Variants in RIC1 observed in about 807,000 individuals in gnomAD.
The protein encoded by RIC1 is guanine nucleotide exchange factor subunit RIC1.
RIC1 carries 88 observed loss-of-function variants against 169.0 expected under a neutral mutation model. That is an observed-to-expected ratio of 0.52 (90% CI 0.44 to 0.62). The LOEUF is 0.62. Among genes scored for constraint, RIC1 ranks in the 20% least tolerant of loss-of-function variants. The pLI is 0.00. For synonymous variants in RIC1, 790 were observed against 601.5 expected (o/e 1.31, Z -4.59); for missense variants, 1,877 against 1,725.5 (o/e 1.09, Z -1.56).
intron 1 of RIC1, among the ~76,000 whole-genome samples, chr9:5,637,231 T>G (rs987025265): frequency 1.3e-5 from 2 of 152,018 alleles, no homozygotes; most frequent in African/African-American, 4.8e-5. Flanking sequence ...GGCTAATTTT[T>G]TTTTTTCTGT....
Position 5,763,712 on chromosome 9 carries a change from C to G in RIC1, c.2685C>G (p.Pro895=), listed in dbSNP as rs754914347. The G allele has an allele frequency of 1.9e-6, 3 of 1,614,184 alleles. No individual in the cohort carries two copies. Among genetic ancestry groups the G allele is most frequent in the Non-Finnish European group, 2.5e-6 (3 of 1,180,038 alleles). ...TGGCAAAATTTATCACTGAGTTCCC[C>G]CTCTTCCTGCAGACAGTTGTCCATT... ...PTVAKFITEF[P]LFLQTVVHCA... Residue 895 remains proline (P), a synonymous_variant, in exon 19 of 26, where the codon CCC becomes CCG. Transcript: ENST00000414202. The surrounding 1 kb of genome is among the most constrained non-coding windows in gnomAD (Gnocchi z 5.2).
At position 5,743,800 on chromosome 9, in the gene RIC1, T is replaced by C. The variant is rs73389503; in HGVS notation, c.1095+63T>C. On this transcript the variant is annotated intron_variant, in intron 10 of 25. Coordinates refer to ENST00000414202, the MANE Select transcript of RIC1 (RefSeq NM_020829.4). ...AAAACTTGGATTTTTCTTCCCTTTT[T>C]TCACTCATTTTTATTTATTTAATTT... 6.9e-4 allele frequency: 825 copies of C among 1,201,702 alleles called. 7 individuals carry two copies. The African/African-American group carries it at 0.011, about 17-fold the overall frequency. The allele number at this position is 1,201,702 out of a possible 1,614,324, so 74.4% of individuals were successfully genotyped here.
downstream of RIC1, among the ~76,000 whole-genome samples, chr9:5,777,893 C>T (rs756117788): frequency 4.6e-5 from 7 of 152,232 alleles, no homozygotes; most frequent in South Asian, 2.1e-4. Flanking sequence ...ATTTTGAAAG[C>T]GAGAGTCCTA....
intron 2 of RIC1, among the ~76,000 whole-genome samples, chr9:5,689,439 T>G (rs1272148417): frequency 6.6e-6 from 1 of 152,172 alleles, no homozygotes; most frequent in Non-Finnish European, 1.5e-5. Flanking sequence ...TTGCTCTGTT[T>G]TATGTCTGTA....
rs143145975 is a variant in RIC1 at position 5,638,811 on chromosome 9, T to G, written c.144+9358T>G. Reference sequence around the variant, plus strand: ...TTGCATTATTTTCTTCATTTCAAGTTAATTTATTTCTGCTCCATCTTTATT... The same window carrying G: ...TTGCATTATTTTCTTCATTTCAAGTGAATTTATTTCTGCTCCATCTTTATT... On this transcript the variant is annotated intron_variant, in intron 1 of 25. Coordinates refer to ENST00000414202, the MANE Select transcript of RIC1 (RefSeq NM_020829.4). 5.7e-4 allele frequency among the ~76,000 whole-genome samples: 87 copies of G among 152,364 alleles called. 1 individual carries two copies. The highest frequency in any genetic ancestry group is 1.8e-3 in the African/African-American group (76 of 41,576).
chr9:5,630,029 T>G lies in RIC1; in HGVS notation c.144+576T>G, dbSNP rs79901045. Among the ~76,000 whole-genome samples, 10 of 152,286 alleles carry G rather than the reference T, an allele frequency of 6.6e-5. 1 individual carries two copies. In the East Asian group the frequency reaches 1.9e-3, roughly 29 times the overall value. The stretch of plus-strand genomic sequence containing the variant: ...CCAACATCCCTTCCCCACTTTCGAG[T>G]TGGTCTTTTTCTTTGCTGCTGCTCT... On this transcript the variant is annotated intron_variant, in intron 1 of 25. Transcript: ENST00000414202.
intron 2 of RIC1, among the ~76,000 whole-genome samples, chr9:5,667,027 C>T (rs1365132464): frequency 1.3e-5 from 2 of 152,042 alleles, no homozygotes; most frequent in African/African-American, 4.8e-5. Context: ...GTTGATTTTT[C>T]AAAGAGTCAA....
At chr9:5,756,409 C>T in intron 16 of RIC1, 37 bp downstream of exon 16, 2 of 1,284,122 alleles carry the variant, frequency 1.6e-6, no homozygotes, top group Non-Finnish European at 2.0e-6. Context: ...CTTTTTGCTC[C>T]TATTTACCAC....
chr9:5,771,780 C>T (rs1162039069), intron 23 of RIC1, among the ~76,000 whole-genome samples: 5 of 152,110 alleles, frequency 3.3e-5, no homozygotes, highest in African/African-American at 4.8e-5. Context: ...TTAAAAAGTA[C>T]AGTTAATAAT....
chr9:5,703,333 G>T (rs140570910), intron 3 of RIC1, among the ~76,000 whole-genome samples: 127 of 152,278 alleles, frequency 8.3e-4, no homozygotes, highest in Middle Eastern at 3.4e-3. Flanking sequence ...AATTCTTAAA[G>T]CTCCAAAATA....
chr9:5,772,550 C>T lies in RIC1; in HGVS notation c.3617-14C>T, dbSNP rs10124363. The stretch of plus-strand genomic sequence containing the variant: ...CCACGAAGTTGGTTGTAACTTTTGG[C>T]AATTCTTCATCAGGTGATGAATGCA... On this transcript the variant is annotated splice_polypyrimidine_tract_variant and intron_variant, in intron 23 of 25. Coordinates refer to ENST00000414202, the MANE Select transcript of RIC1 (RefSeq NM_020829.4). 3,190 of 1,551,800 alleles carry T rather than the reference C, an allele frequency of 2.1e-3. 53 individuals carry two copies. The African/African-American group carries it at 0.039, about 19-fold the overall frequency.
intron 2 of RIC1, among the ~76,000 whole-genome samples, chr9:5,657,663 A>G (rs1031480772): frequency 2.6e-5 from 4 of 152,108 alleles, no homozygotes; most frequent in Admixed American, 6.6e-5. Flanking sequence ...TCCATACTGT[A>G]TATAACACTG....
At chr9:5,643,849 T>G (rs1818372527) in intron 1 of RIC1, among the ~76,000 whole-genome samples, 1 of 152,216 alleles carries the variant, frequency 6.6e-6, no homozygotes, top group Admixed American at 6.5e-5. Flanking sequence ...TGCCACAAAA[T>G]GAGACAGTTT....
rs1324661101 is a variant in RIC1, at chr9:5,746,099, G to C, written c.1248+16G>C. 1 of 1,585,048 alleles carries C rather than the reference G, an allele frequency of 6.3e-7. No homozygotes were observed. The highest frequency in any genetic ancestry group is 1.3e-5 in the African/African-American group (1 of 74,700). On this transcript the variant is annotated intron_variant, in intron 11 of 25. Coordinates refer to ENST00000414202, the MANE Select transcript of RIC1 (RefSeq NM_020829.4). The stretch of plus-strand genomic sequence containing the variant: ...CCCTTGTATGGTAAGTATATTTAAA[G>C]CTCTGATTTTTTAGTGTCTTTTGTG...
intron 1 of RIC1, among the ~76,000 whole-genome samples, chr9:5,653,312 A>G (rs1428851983): frequency 6.6e-6 from 1 of 152,184 alleles, no homozygotes; most frequent in Non-Finnish European, 1.5e-5. Context: ...TGTTAATACC[A>G]CACTTTCTTG....
chr9:5,667,156 C>G (rs956327635), intron 2 of RIC1, among the ~76,000 whole-genome samples: 2 of 151,912 alleles, frequency 1.3e-5, no homozygotes, highest in Non-Finnish European at 2.9e-5. Context: ...ATAATGCCAT[C>G]GCTACAAAAA....
At chr9:5,651,439 C>A (rs984158580) in intron 1 of RIC1, among the ~76,000 whole-genome samples, 1 of 151,926 alleles carries the variant, frequency 6.6e-6, no homozygotes. Context: ...CTGTTGTTGC[C>A]TGTGCTTTTC....
intron 2 of RIC1, among the ~76,000 whole-genome samples, chr9:5,674,564 A>G (rs1269636060): frequency 6.6e-6 from 1 of 152,188 alleles, no homozygotes; most frequent in African/African-American, 2.4e-5. Context: ...CATGCAAGAA[A>G]CTGCCTTTCC....
chr9:5,633,507 T>C (rs1211426515), intron 1 of RIC1, among the ~76,000 whole-genome samples: 1 of 152,312 alleles, frequency 6.6e-6, no homozygotes, highest in East Asian at 1.9e-4. Context: ...CCTTTCTTTA[T>C]GAGTCATTCT....
Sources: allele counts gnomAD v4.1 joint callset (sites outside exome capture counted in the v4.1 genomes callset), GRCh38; gene constraint gnomAD v4.1.1; non-coding constraint Gnocchi (gnomAD v3.1); transcripts MANE v1.5; gene names NCBI Gene and HGNC (gene_info 2026-07-23, HGNC 2026-07-21).